MDN1: variants seen among roughly 807,000 people sequenced by gnomAD.
The protein encoded by MDN1 is midasin AAA ATPase 1.
MDN1 carries 266 observed loss-of-function variants against 669.2 expected under a neutral mutation model. The ratio of observed to expected loss-of-function variants is 0.40; its 90% CI spans 0.36 to 0.44. The LOEUF (loss-of-function observed/expected upper bound fraction) is 0.44, where lower values mean the gene tolerates loss of function less well. Ranked by LOEUF, MDN1 falls within the 20% of genes least tolerant of loss-of-function variation. The pLI is 1.00. For missense variants in MDN1, 5,940 were observed against 6,754.0 expected (o/e 0.88, Z 4.22); for synonymous variants, 2,385 against 2,457.1 (o/e 0.97, Z 0.87).
At chr6:89,652,006 T>C (rs1002927839) in intron 95 of MDN1, among the ~76,000 whole-genome samples, 186 bp downstream of exon 95, 1 of 152,182 alleles carries the variant, frequency 6.6e-6, no homozygotes, top group Non-Finnish European at 1.5e-5. Flanking sequence ...AAGCTATAGA[T>C]CTAACAGCAA....
At chr6:89,709,194 C>T (rs1157206449) in intron 50 of MDN1, among the ~76,000 whole-genome samples, 1 of 152,038 alleles carries the variant, frequency 6.6e-6, no homozygotes, top group East Asian at 1.9e-4. Flanking sequence ...GTTGTGAAAA[C>T]CCAAGGAAGG....
rs763966676 is a variant in MDN1, at chr6:89,790,158, C to G, written c.1098+1G>C. On this transcript the variant is annotated splice_donor_variant, in intron 6 of 101. Transcript: ENST00000369393. LOFTEE classifies it high-confidence loss of function. ...ACCAAAACTTAACATTTCCTTATTA[C>G]CTTACTGTCAGTCTGATCTCCAAGC... is the stretch of plus-strand genomic sequence containing the variant. 3 of 1,613,782 alleles carry G rather than the reference C, an allele frequency of 1.9e-6. No individual in the cohort carries two copies. Among genetic ancestry groups the G allele is most frequent in the Non-Finnish European group, 2.5e-6 (3 of 1,179,990 alleles).
chr6:89,699,286 G>A (rs928868026), intron 58 of MDN1, among the ~76,000 whole-genome samples: 1 of 151,870 alleles, frequency 6.6e-6, no homozygotes, highest in Admixed American at 6.6e-5. Context: ...TTATTAGAGA[G>A]GAAAAGTACA....
chr6:89,790,321 A>G lies in MDN1; in HGVS notation c.936T>C (p.Leu312=). ...YVLVESVCKS[L]QTLAMAVASQ... is the part of the protein sequence containing the mutation. ...AAGCAACCGCCATAGCCAGGGTCTG[A>G]AGACTTTTGCAGACAGACTCAACCA... The change falls in exon 6 of 102, where the codon CTT becomes CTC. Residue 312 remains leucine, a synonymous_variant. Transcript: ENST00000369393. The G allele has an allele frequency of 6.2e-7, 1 of 1,614,124 alleles. No individual in the cohort carries two copies. The highest frequency in any genetic ancestry group is 1.1e-5 in the South Asian group (1 of 91,068).
In MDN1 at chr6:89,781,597, C is replaced by G. The variant is rs759936606; in HGVS notation, c.1450-5G>C. 25 of 1,550,252 alleles carry G rather than the reference C, an allele frequency of 1.6e-5. No individual in the cohort carries two copies. Among genetic ancestry groups the G allele is most frequent in the Non-Finnish European group, 2.2e-5 (25 of 1,149,160 alleles). On this transcript the variant is annotated splice_region_variant and splice_polypyrimidine_tract_variant and intron_variant, in intron 9 of 101. Coordinates refer to ENST00000369393, the MANE Select transcript of MDN1 (RefSeq NM_014611.3). The stretch of plus-strand genomic sequence containing the variant: ...AGGATATCTGCTCTGAAGAACCTGA[C>G]AGAGGGGGAAAAAAAAGAAAATTTA...
intron 48 of MDN1, 112 bp from the exon 49 acceptor site, chr6:89,712,368 A>G: frequency 1.8e-6 from 2 of 1,114,864 alleles, no homozygotes; most frequent in Non-Finnish European, 2.6e-6. Flanking sequence ...AAGAGAGAAA[A>G]GGAGAGTCTC....
At chr6:89,814,780 T>C (rs576034761) in intron 1 of MDN1, 110 of 432,004 alleles carry the variant, frequency 2.5e-4, no homozygotes, top group Non-Finnish European at 4.5e-4. Context: ...TGGTTAGCCA[T>C]TGGGAGATCT....
At position 89,700,269 on chromosome 6, in the gene MDN1, A is replaced by G. The variant is rs762981819; in HGVS notation, c.8664T>C (p.Ala2888=). The G allele has an allele frequency of 5.0e-6, 8 of 1,614,074 alleles. No homozygotes were observed. Among genetic ancestry groups the G allele is most frequent in the Non-Finnish European group, 2.5e-6 (3 of 1,179,996 alleles). ...CTTTGGCTTTCAGTTCTAAACACTG[A>G]GCATGCACAAAATTCTTCAATTCAT... ...SLDELKNFVH[A]QCLELKAKGL... is the part of the protein sequence containing the mutation. Residue 2888 remains alanine (A), a synonymous_variant, in exon 57 of 102, where the codon GCT becomes GCC. Coordinates refer to ENST00000369393, the MANE Select transcript of MDN1 (RefSeq NM_014611.3).
At chr6:89,797,625 GT>G in intron 2 of MDN1, 1 of 466,728 alleles carries the variant, frequency 2.1e-6, no homozygotes, top group Non-Finnish European at 4.4e-6. Flanking sequence ...AGGCCATTAT[GT>G]TTTGCAAGCC....
At position 89,708,620 on chromosome 6, in the gene MDN1, C is replaced by A. The variant is rs1022803189; in HGVS notation, c.7774G>T (p.Val2592Leu). 6.2e-7 allele frequency: 1 copy of A among 1,613,080 alleles called. No homozygotes were observed. The highest frequency in any genetic ancestry group is 8.5e-7 in the Non-Finnish European group (1 of 1,179,712). ...ILQPNTTDEF[V>L]IPLDPRWNMQ... ...TTCCATCGGGGATCCAGAGGGATCA[C>A]AAATTCATCTAGTTTAAAAACAGAA... is the stretch of plus-strand genomic sequence containing the variant. The change falls in exon 51 of 102, where the codon GTG becomes TTG. Residue 2592 changes from valine (V) to leucine (L), a missense_variant. Physicochemically the swap from Val to Leu is conservative, Grantham distance 32 (BLOSUM62 1). This residue lies in a region of MDN1 where 2,292 missense variants were observed against 2,638.3 expected (regional missense o/e 0.87). Transcript: ENST00000369393.
chr6:89,765,230 C>CTGGGAGACAGAGTGAGACTAT (rs1817752681), intron 15 of MDN1, among the ~76,000 whole-genome samples: 3 of 149,134 alleles, frequency 2.0e-5, no homozygotes, highest in African/African-American at 7.5e-5. Context: ...GCACTCCAGC[C>CTGGGAGACAGAGTGAGACTAT]TGGGAGACAG....
chr6:89,814,403 T>G (rs1431728656), intron 1 of MDN1, among the ~76,000 whole-genome samples: 1 of 138,706 alleles, frequency 7.2e-6, no homozygotes, highest in African/African-American at 2.7e-5. Flanking sequence ...TTTTTTTTGG[T>G]AGAGACAGAG....
At chr6:89,737,980 T>C (rs1816086367) in intron 33 of MDN1, among the ~76,000 whole-genome samples, 1 of 152,126 alleles carries the variant, frequency 6.6e-6, no homozygotes, top group Non-Finnish European at 1.5e-5. Flanking sequence ...CACCTTGGCC[T>C]CCCAAAGTGC....
At chr6:89,705,554 T>A (rs1305315215) in intron 53 of MDN1, among the ~76,000 whole-genome samples, 1 of 152,190 alleles carries the variant, frequency 6.6e-6, no homozygotes, top group African/African-American at 2.4e-5. Context: ...GGAATACTAC[T>A]CAGCAATAAA....
At chr6:89,656,493 C>G (rs1213011030) in intron 91 of MDN1, among the ~76,000 whole-genome samples, 1 of 152,088 alleles carries the variant, frequency 6.6e-6, no homozygotes, top group African/African-American at 2.4e-5. Flanking sequence ...CGGGGAGAGA[C>G]ACAGGCAGGG....
At chr6:89,701,740 G>T in intron 54 of MDN1, 62 bp from the exon 55 acceptor site, 2 of 1,565,054 alleles carry the variant, frequency 1.3e-6, no homozygotes, top group East Asian at 2.3e-5. Context: ...GACAGTAAGA[G>T]AAGCCATTAA....
intron 53 of MDN1, among the ~76,000 whole-genome samples, chr6:89,702,505 T>C (rs1336014702): frequency 6.6e-6 from 1 of 152,280 alleles, no homozygotes; most frequent in African/African-American, 2.4e-5. Flanking sequence ...TGGTGGATGG[T>C]ACCGCACTGC....
intron 95 of MDN1, among the ~76,000 whole-genome samples, chr6:89,651,794 G>A (rs1288799829): frequency 2.0e-5 from 3 of 152,158 alleles, no homozygotes; most frequent in Admixed American, 6.5e-5. Context: ...AATTTCAGAT[G>A]CAAAGTCATT....
At chr6:89,801,413 G>A (rs1767650983) in intron 2 of MDN1, among the ~76,000 whole-genome samples, 1 of 152,182 alleles carries the variant, frequency 6.6e-6, no homozygotes, top group African/African-American at 2.4e-5. Context: ...AGCAATCTGG[G>A]AGGTCGAGGT....
Sources: gnomAD v4.1 joint callset for allele counts (sites outside exome capture counted in the v4.1 genomes callset) on GRCh38, gnomAD v4.1.1 for gene constraint, gnomAD v4.1.1 regional missense constraint, MANE v1.5 for transcripts, NCBI Gene and HGNC (gene_info 2026-07-23, HGNC 2026-07-21) for gene names.